The following OPRD1 variants were observed in gnomAD, a reference collection of about 807,000 sequenced individuals.
The protein encoded by OPRD1 is opioid receptor delta 1.
OPRD1 carries 19 observed loss-of-function variants against 17.5 expected under a neutral mutation model. The ratio of observed to expected loss-of-function variants is 1.09; its 90% CI spans 0.76 to 1.60. The LOEUF (loss-of-function observed/expected upper bound fraction) is 1.60. OPRD1 is among the 40% of genes most tolerant of loss of function. The pLI, the probability that OPRD1 is intolerant of heterozygous loss-of-function variation, is 0.00. For synonymous variants in OPRD1, 256 were observed against 240.9 expected (o/e 1.06, Z -0.58); for missense variants, 483 against 547.2 (o/e 0.88, Z 1.17).
intron 1 of OPRD1, among the ~76,000 whole-genome samples, chr1:28,816,336 G>A (rs901618702): frequency 6.6e-5 from 10 of 152,062 alleles, no homozygotes; most frequent in South Asian, 2.1e-4. Flanking sequence ...TCAGCTGGGC[G>A]GAGAGATCAG....
At chr1:28,836,863 C>T (rs983269521) in intron 1 of OPRD1, among the ~76,000 whole-genome samples, 1 of 152,202 alleles carries the variant, frequency 6.6e-6, no homozygotes, top group East Asian at 1.9e-4. Flanking sequence ...TTTATAGCAG[C>T]GGTCCCGAAC....
chr1:28,845,437 C>T (rs1177135086), intron 1 of OPRD1, among the ~76,000 whole-genome samples: 1 of 150,154 alleles, frequency 6.7e-6, no homozygotes, highest in African/African-American at 2.5e-5. Context: ...CGAGATTGCA[C>T]CACTGCACTC....
chr1:28,851,828 C>T (rs565197305), intron 1 of OPRD1, among the ~76,000 whole-genome samples: 1 of 135,414 alleles, frequency 7.4e-6, no homozygotes. Flanking sequence ...GCACTCCAGC[C>T]TGGGCAATGA....
intron 1 of OPRD1, among the ~76,000 whole-genome samples, chr1:28,843,081 A>G (rs421300): frequency 0.38 from 57,413 of 151,668 alleles, 11,512 homozygotes; most frequent in African/African-American, 0.51. Context: ...TGCGGCTCCT[A>G]GAAAGCATCA....
intron 2 of OPRD1, among the ~76,000 whole-genome samples, chr1:28,860,020 G>A (rs112946834): frequency 6.6e-6 from 1 of 152,166 alleles, no homozygotes; most frequent in African/African-American, 2.4e-5. Context: ...TCTACTGCTG[G>A]CATCTGGCCG....
Position 28,865,326 on chromosome 1 carries a change from A to G in OPRD1, c.*2043A>G, listed in dbSNP as rs1222607181. 1 of 152,366 alleles carries G rather than the reference A, an allele frequency of 6.6e-6. No homozygotes were observed. Among genetic ancestry groups the G allele is most frequent in the South Asian group, 2.1e-4 (1 of 4,830 alleles). The allele number at this position is 152,366 out of a possible 1,614,324, so 9.4% of individuals were successfully genotyped here. A position where few individuals can be genotyped will look rare whatever the true frequency, so the allele number is the denominator to read the frequency against. ...TCTTCCTTTTTTGGGACAGATGGAA[A>G]GAAATTGACGTCTTTGTCTCAAACA... On this transcript the variant is annotated 3_prime_UTR_variant, in exon 3 of 3. Coordinates refer to ENST00000234961, the MANE Select transcript of OPRD1 (RefSeq NM_000911.4).
chr1:28,852,711 A>ATTTATTT (rs551930207), intron 1 of OPRD1, among the ~76,000 whole-genome samples: 27 of 151,606 alleles, frequency 1.8e-4, no homozygotes, highest in Non-Finnish European at 5.9e-5. Context: ...TTTTCTTTTT[A>ATTTATTT]TTTATTTTTT....
chr1:28,816,304 A>C (rs1456800371), intron 1 of OPRD1, among the ~76,000 whole-genome samples: 2 of 152,086 alleles, frequency 1.3e-5, no homozygotes, highest in African/African-American at 4.8e-5. Context: ...TTGGGAGCCC[A>C]TGATGGGGGC....
intron 1 of OPRD1, among the ~76,000 whole-genome samples, chr1:28,831,976 CTG>C (rs2088811525): frequency 6.6e-6 from 1 of 152,180 alleles, no homozygotes; most frequent in African/African-American, 2.4e-5. Context: ...GATGAGAAAA[CTG>C]GGGCTCAGAG....
At chr1:28,860,124 G>A (rs1338694012) in intron 2 of OPRD1, among the ~76,000 whole-genome samples, 1 of 152,192 alleles carries the variant, frequency 6.6e-6, no homozygotes, top group Non-Finnish European at 1.5e-5. Flanking sequence ...CAGCATTTTG[G>A]GAGGCCAAGG....
intron 2 of OPRD1, among the ~76,000 whole-genome samples, chr1:28,860,049 G>A (rs2089099007): frequency 6.6e-6 from 1 of 152,160 alleles, no homozygotes; most frequent in Non-Finnish European, 1.5e-5. Flanking sequence ...ATATGGAGAG[G>A]GAGCGAGGAG....
At position 28,867,520 on chromosome 1, in the gene OPRD1, C is replaced by T. The variant is rs204071; in HGVS notation, c.*4237C>T. 18,793 of 149,394 alleles carry T rather than the reference C, an allele frequency of 0.13. 1,511 individuals carry two copies. The highest frequency in any genetic ancestry group is 0.22 in the African/African-American group (9,083 of 40,784). 9.3% of individuals were successfully genotyped at this position (149,394 alleles called of 1,614,324 possible). On this transcript the variant is annotated 3_prime_UTR_variant, in exon 3 of 3. Coordinates refer to ENST00000234961, the MANE Select transcript of OPRD1 (RefSeq NM_000911.4). ...AAGCCCGGCCAATTTTTTTTTTTTTCAATAGAGACCAGAGTGTCTCTGTGT... is the reference window on the plus strand; with the variant it reads ...AAGCCCGGCCAATTTTTTTTTTTTTTAATAGAGACCAGAGTGTCTCTGTGT...
intron 1 of OPRD1, among the ~76,000 whole-genome samples, chr1:28,848,288 T>C (rs1021567767): frequency 3.3e-5 from 5 of 151,798 alleles, no homozygotes; most frequent in African/African-American, 9.7e-5. Flanking sequence ...TACCATCACG[T>C]TGGGAGTTAG....
At position 28,837,920 on chromosome 1, in the gene OPRD1, G is replaced by A. The variant is rs1223122905; in HGVS notation, c.228-21034G>A. ...TCTGCAAAGTCCCTATTTCCAAATAGTGTCACATTCCGATGTTCCTGGTGG... is the reference window on the plus strand; with the variant it reads ...TCTGCAAAGTCCCTATTTCCAAATAATGTCACATTCCGATGTTCCTGGTGG... On this transcript the variant is annotated intron_variant, in intron 1 of 2. Transcript: ENST00000234961. Among the ~76,000 whole-genome samples, 8 of 149,834 alleles carry A rather than the reference G, an allele frequency of 5.3e-5. No homozygotes were observed. In the Middle Eastern group the frequency reaches 0.01, roughly 191 times the overall value.
intron 1 of OPRD1, among the ~76,000 whole-genome samples, chr1:28,830,027 CT>C (rs2088798096): frequency 6.6e-6 from 1 of 152,004 alleles, no homozygotes; most frequent in Non-Finnish European, 1.5e-5. Flanking sequence ...CACTTGAACA[CT>C]TAGAGGCCAT....
intron 1 of OPRD1, among the ~76,000 whole-genome samples, chr1:28,846,971 C>T (rs1460871381): frequency 1.4e-5 from 2 of 146,348 alleles, no homozygotes; most frequent in Non-Finnish European, 3.0e-5. Flanking sequence ...TCTCTTTCTT[C>T]CTTCCTTCCT....
At chr1:28,826,870 CA>C (rs1408668013) in intron 1 of OPRD1, among the ~76,000 whole-genome samples, 1 of 152,216 alleles carries the variant, frequency 6.6e-6, no homozygotes, top group Non-Finnish European at 1.5e-5. Flanking sequence ...GTAGAACTTT[CA>C]AAATTGGAGT....
At chr1:28,833,135 T>C (rs2088822480) in intron 1 of OPRD1, among the ~76,000 whole-genome samples, 1 of 152,186 alleles carries the variant, frequency 6.6e-6, no homozygotes, top group South Asian at 2.1e-4. Flanking sequence ...ACAACACTTC[T>C]ATGAGGTAGG....
intron 1 of OPRD1, among the ~76,000 whole-genome samples, chr1:28,857,706 G>C (rs1441120881): frequency 6.6e-6 from 1 of 152,100 alleles, no homozygotes; most frequent in East Asian, 1.9e-4. Flanking sequence ...GGGTGGTTTT[G>C]AACTAGGCTC....
Sources: gnomAD v4.1 joint callset for allele counts (sites outside exome capture counted in the v4.1 genomes callset) on GRCh38, gnomAD v4.1.1 for gene constraint, MANE v1.5 for transcripts, NCBI Gene and HGNC (gene_info 2026-07-23, HGNC 2026-07-21) for gene names.